Variants in RECQL5 observed in about 807,000 individuals in gnomAD.
The protein encoded by RECQL5 is RecQ like helicase 5, also known as ATP-dependent DNA helicase Q5.
In RECQL5, 88 loss-of-function variants were observed where a neutral mutation model predicts 103.4. The observed-to-expected ratio is 0.85, with a 90% CI of 0.72 to 1.02. RECQL5 has a LOEUF of 1.02. RECQL5 is among the 50% of genes least tolerant of loss of function. RECQL5 has a pLI of 0.00. For missense variants in RECQL5, 1,232 were observed against 1,284.3 expected, an observed-to-expected ratio of 0.96 and a Z score of 0.62; for synonymous variants, 552 against 507.9, an observed-to-expected ratio of 1.09 and a Z score of -1.17.
At chr17:75,637,650 G>A (rs2059350358) in intron 8 of RECQL5, 1 of 152,328 alleles carries the variant, frequency 6.6e-6, no homozygotes, top group Admixed American at 6.5e-5. Context: ...TAGTCTCAAA[G>A]AGCCTGGTGT....
chr17:75,630,847 G>GGA lies in RECQL5; in HGVS notation c.1586-11_1586-10insTC. Reference sequence around the variant, plus strand: ...AGGGGACAGTTCTCATCTGTGGGGGGGGGGGGTGGTCCTTGGTCCTTTCGC... The same window carrying GGA: ...AGGGGACAGTTCTCATCTGTGGGGGGGAGGGGGGTGGTCCTTGGTCCTTTCGC... On this transcript the variant is annotated splice_polypyrimidine_tract_variant and intron_variant, in intron 11 of 19. Transcript: ENST00000317905. 6.9e-7 allele frequency: 1 copy of GGA among 1,458,004 alleles called. No homozygotes were observed. The highest frequency in any genetic ancestry group is 1.3e-5 in the South Asian group (1 of 75,796). The allele number at this position is 1,458,004 out of a possible 1,614,324, so 90.3% of individuals were successfully genotyped here.
chr17:75,655,464 T>G (rs1029248468), intron 7 of RECQL5, among the ~76,000 whole-genome samples: 15 of 141,686 alleles, frequency 1.1e-4, no homozygotes, highest in African/African-American at 4.0e-4. Context: ...TCCGGGTTCA[T>G]GCCATTCTCC....
intron 8 of RECQL5, chr17:75,649,632 G>C (rs1158671026): frequency 1.0e-6 from 1 of 985,476 alleles, no homozygotes; most frequent in African/African-American, 1.7e-5. Context: ...ATATCTGGTG[G>C]AGAAGGGGCT....
rs746402103 is a variant in RECQL5, at chr17:75,627,127, C to A, written c.*295G>T. ...CGGGGAGGGGCCACTCTTCCTTCCC[C>A]TTCTTCCAGCAGCAGCTCCACCACC... On this transcript the variant is annotated 3_prime_UTR_variant, in exon 20 of 20. Coordinates refer to ENST00000317905, the MANE Select transcript of RECQL5 (RefSeq NM_004259.7). 1.0e-4 allele frequency: 54 copies of A among 536,012 alleles called. No homozygotes were observed. Among genetic ancestry groups the A allele is most frequent in the Admixed American group, 4.5e-4 (20 of 44,720 alleles). The allele number at this position is 536,012 out of a possible 1,614,324, so 33.2% of individuals were successfully genotyped here.
intron 8 of RECQL5, among the ~76,000 whole-genome samples, chr17:75,641,622 G>C (rs1426369689): frequency 1.3e-5 from 2 of 152,244 alleles, no homozygotes; most frequent in African/African-American, 2.4e-5. Flanking sequence ...AGCTCTGCCA[G>C]GCTGAGGCAC....
At position 75,627,438 on chromosome 17, in the gene RECQL5, C is replaced by T; in HGVS notation, c.2960G>A (p.Cys987Tyr). 2.5e-6 allele frequency: 4 copies of T among 1,613,518 alleles called. No homozygotes were observed. Among genetic ancestry groups the T allele is most frequent in the Non-Finnish European group, 3.4e-6 (4 of 1,179,970 alleles). Reference sequence around the variant, plus strand: ...AGCAGTTGGTCATCTCTGGGGGCCACACAGGCCATGCCAGTCAGCTTCGCT... The same window carrying T: ...AGCAGTTGGTCATCTCTGGGGGCCATACAGGCCATGCCAGTCAGCTTCGCT... ...CESEADWHGLCGPQR is the reference protein window; with the variant it reads ...CESEADWHGLYGPQR Residue 987 changes from cysteine (C) to tyrosine (Y), a missense_variant, in exon 20 of 20, where the codon TGT becomes TAT. Coordinates refer to ENST00000317905, the MANE Select transcript of RECQL5 (RefSeq NM_004259.7).
intron 8 of RECQL5, among the ~76,000 whole-genome samples, chr17:75,645,634 G>A (rs820206): frequency 0.35 from 53,351 of 152,122 alleles, 9,562 homozygotes; most frequent in East Asian, 0.54. Context: ...TGCTGTGAGC[G>A]TTCAGCATGC....
At chr17:75,634,576 T>G (rs1157169509) in intron 8 of RECQL5, among the ~76,000 whole-genome samples, 1 of 152,120 alleles carries the variant, frequency 6.6e-6, no homozygotes, top group Non-Finnish European at 1.5e-5. Flanking sequence ...GAGCCTCCCT[T>G]TTTCCCAGGA....
chr17:75,640,900 G>T lies in RECQL5; in HGVS notation c.1230-9232C>A. On this transcript the variant is annotated intron_variant, in intron 8 of 19. Coordinates refer to ENST00000317905, the MANE Select transcript of RECQL5 (RefSeq NM_004259.7). The surrounding 1 kb of genome is among the most constrained non-coding windows in gnomAD (Gnocchi z 4.6). ...AGGTGCAGCCGACACCACCATGACG[G>T]ACGGGCGATGGCTGAGGAGAAGCTG... The T allele has an allele frequency of 6.5e-7, 1 of 1,542,974 alleles. No homozygotes were observed.
At chr17:75,627,929 G>A (rs996918900) in intron 18 of RECQL5, among the ~76,000 whole-genome samples, 2 of 151,918 alleles carry the variant, frequency 1.3e-5, no homozygotes, top group Non-Finnish European at 2.9e-5. Context: ...TGAGGCAGGA[G>A]AATGGCGTGA....
intron 7 of RECQL5, among the ~76,000 whole-genome samples, chr17:75,655,483 C>G (rs567881493): frequency 1.4e-4 from 22 of 152,040 alleles, no homozygotes; most frequent in African/African-American, 5.3e-4. Context: ...CCTGCCTCAG[C>G]CTCCCGAGTA....
chr17:75,640,291 G>A lies in RECQL5; in HGVS notation c.1230-8623C>T. 1 of 1,551,266 alleles carries A rather than the reference G, an allele frequency of 6.4e-7. No homozygotes were observed. The highest frequency in any genetic ancestry group is 8.7e-7 in the Non-Finnish European group (1 of 1,146,780). On this transcript the variant is annotated intron_variant, in intron 8 of 19. Transcript: ENST00000317905. The surrounding 1 kb of genome is among the most constrained non-coding windows in gnomAD (Gnocchi z 4.6). ...AGAGACTGCCCCAGGCTGAGCCCGT[G>A]GAGATCGTGGCCTTCTCAGTCATCA...
At chr17:75,663,946 C>T (rs1473787926) in intron 3 of RECQL5, among the ~76,000 whole-genome samples, 3 of 149,970 alleles carry the variant, frequency 2.0e-5, no homozygotes, top group Non-Finnish European at 4.4e-5. Flanking sequence ...CCCAGCTACT[C>T]GGGGGACTGA....
chr17:75,644,785 C>T (rs925388511), intron 8 of RECQL5, among the ~76,000 whole-genome samples: 1 of 146,998 alleles, frequency 6.8e-6, no homozygotes, highest in African/African-American at 2.5e-5. Flanking sequence ...GCCAAGATCA[C>T]ACCACTGCAC....
chr17:75,654,768 C>T (rs760500762), intron 7 of RECQL5, among the ~76,000 whole-genome samples: 5 of 151,932 alleles, frequency 3.3e-5, no homozygotes, highest in Non-Finnish European at 7.4e-5. Context: ...TACAGGCGCA[C>T]ATCACCATGC....
chr17:75,646,476 A>T (rs965341610), intron 8 of RECQL5: 1 of 152,306 alleles, frequency 6.6e-6, no homozygotes, highest in Non-Finnish European at 1.5e-5. Flanking sequence ...ACGTGCCCTG[A>T]GCACCCCCAA....
intron 8 of RECQL5, chr17:75,649,636 A>AG: frequency 1.0e-6 from 1 of 985,488 alleles, no homozygotes; most frequent in Non-Finnish European, 1.2e-6. Context: ...CTGGTGGAGA[A>AG]GGGGCTTTTT....
Position 75,632,869 on chromosome 17 carries a change from C to A in RECQL5, c.1230-1201G>T, listed in dbSNP as rs145151087. ...TGTCTGGGGTGCCACATCCCAGGGACAAGAATAGCTGGCATTAACTGCTCT... is the reference window on the plus strand; with the variant it reads ...TGTCTGGGGTGCCACATCCCAGGGAAAAGAATAGCTGGCATTAACTGCTCT... On this transcript the variant is annotated intron_variant, in intron 8 of 19. Transcript: ENST00000317905. Among the ~76,000 whole-genome samples, 1,216 of 152,322 alleles carry A rather than the reference C, an allele frequency of 8.0e-3. 4 individuals carry two copies. The highest frequency in any genetic ancestry group is 0.014 in the South Asian group (66 of 4,822).
At chr17:75,650,899 C>G in intron 8 of RECQL5, 1 of 1,446,430 alleles carries the variant, frequency 6.9e-7, no homozygotes, top group Non-Finnish European at 9.0e-7. Context: ...GGTCACATCC[C>G]TTGGAACTGA....
Sources: gnomAD v4.1 joint callset for allele counts (sites outside exome capture counted in the v4.1 genomes callset) on GRCh38, gnomAD v4.1.1 for gene constraint, Gnocchi (gnomAD v3.1) non-coding constraint, MANE v1.5 for transcripts, NCBI Gene and HGNC (gene_info 2026-07-23, HGNC 2026-07-21) for gene names.